KICS2: variants seen among roughly 807,000 people sequenced by gnomAD.
The protein encoded by KICS2 is KICSTOR subunit 2.
Under a neutral mutation model 31.4 loss-of-function variants are expected in KICS2, and 13 were observed. The observed-to-expected ratio is 0.41, with a 90% CI of 0.27 to 0.66. The LOEUF (loss-of-function observed/expected upper bound fraction) is 0.66. Among genes scored for constraint, KICS2 ranks in the 30% least tolerant of loss-of-function variants. The pLI is 0.28. For missense variants in KICS2, 455 were observed against 545.4 expected (o/e 0.83, Z 1.65); for synonymous variants, 209 against 214.8 (o/e 0.97, Z 0.24).
chr12:64,211,875 T>G (rs955689493), intron 2 of KICS2, among the ~76,000 whole-genome samples: 1 of 152,234 alleles, frequency 6.6e-6, no homozygotes, highest in Non-Finnish European at 1.5e-5. Context: ...ATGGACTATG[T>G]ATTATACAAC....
chr12:64,207,285 T>C (rs777210285), intron 2 of KICS2, among the ~76,000 whole-genome samples: 4 of 107,442 alleles, frequency 3.7e-5, no homozygotes, highest in Non-Finnish European at 6.8e-5. Flanking sequence ...GCCAAGGTGA[T>C]AGAGCCAACT....
In KICS2 at chr12:64,193,000, G is replaced by A. The variant is rs549250455; in HGVS notation, c.*842C>T. 6 of 985,430 alleles carry A rather than the reference G, an allele frequency of 6.1e-6. No homozygotes were observed. In the African/African-American group the frequency reaches 1.0e-4, roughly 17 times the overall value. 61.0% of individuals were successfully genotyped at this position (985,430 alleles called of 1,614,324 possible). A position where few individuals can be genotyped will look rare whatever the true frequency, so the allele number is the denominator to read the frequency against. On this transcript the variant is annotated 3_prime_UTR_variant, in exon 3 of 3. Coordinates refer to ENST00000398055, the MANE Select transcript of KICS2 (RefSeq NM_152440.5). ...TGAAAAACCGACTGCATGCTTTTAA[G>A]CCTAAAAATAACCAAGGAGTAGAGC...
At chr12:64,188,780 T>C (rs2037358757), downstream of KICS2, among the ~76,000 whole-genome samples, 1 of 152,174 alleles carries the variant, frequency 6.6e-6, no homozygotes, top group Non-Finnish European at 1.5e-5. Flanking sequence ...GAAATCCTTA[T>C]AAATTCATAT....
In KICS2 at chr12:64,217,624, C is replaced by A. The variant is rs529082679; in HGVS notation, c.236-1661G>T. The stretch of plus-strand genomic sequence containing the variant: ...CACCAGCCTGGCCAACATGGTGAAA[C>A]CCCGTCTGTACTAAAAATACAAAAC... On this transcript the variant is annotated intron_variant, in intron 1 of 2. Coordinates refer to ENST00000398055, the MANE Select transcript of KICS2 (RefSeq NM_152440.5). Among the ~76,000 whole-genome samples the A allele has an allele frequency of 4.6e-5, 7 of 152,102 alleles. No homozygotes were observed. In the South Asian group the frequency reaches 1.5e-3, roughly 32 times the overall value.
At chr12:64,202,072 A>G (rs563673341) in intron 2 of KICS2, among the ~76,000 whole-genome samples, 1 of 152,348 alleles carries the variant, frequency 6.6e-6, no homozygotes, top group Non-Finnish European at 1.5e-5. Flanking sequence ...ACAAGACAGT[A>G]GTGCAATTTT....
At position 64,193,279 on chromosome 12, in the gene KICS2, A is replaced by G. The variant is rs1201586692; in HGVS notation, c.*563T>C. 1.0e-6 allele frequency: 1 copy of G among 985,892 alleles called. No individual in the cohort carries two copies. Among genetic ancestry groups the G allele is most frequent in the Non-Finnish European group, 1.2e-6 (1 of 830,412 alleles). The allele number at this position is 985,892 out of a possible 1,614,324, so 61.1% of individuals were successfully genotyped here. On this transcript the variant is annotated 3_prime_UTR_variant, in exon 3 of 3. Coordinates refer to ENST00000398055, the MANE Select transcript of KICS2 (RefSeq NM_152440.5). ...CATGCTACCAATCTGACTCACTTTC[A>G]GTTTCAATAACTGATAGAAATTTCT...
At chr12:64,216,418 A>G (rs913919940) in intron 1 of KICS2, among the ~76,000 whole-genome samples, 3 of 152,178 alleles carry the variant, frequency 2.0e-5, no homozygotes, top group Non-Finnish European at 4.4e-5. Context: ...ATTATGAAAC[A>G]CTATTTTTAT....
intron 2 of KICS2, among the ~76,000 whole-genome samples, chr12:64,212,117 T>C (rs1037443552): frequency 6.7e-6 from 1 of 150,356 alleles, no homozygotes; most frequent in African/African-American, 2.4e-5. Flanking sequence ...GAAGGACAGT[T>C]ATATGTTCAT....
At chr12:64,217,034 G>GT (rs1316660461) in intron 1 of KICS2, among the ~76,000 whole-genome samples, 1 of 152,176 alleles carries the variant, frequency 6.6e-6, no homozygotes, top group Non-Finnish European at 1.5e-5. Context: ...GAATAAAAAT[G>GT]TATCAAGGCA....
intron 2 of KICS2, among the ~76,000 whole-genome samples, chr12:64,201,910 C>A (rs193236025): frequency 1.1e-3 from 173 of 152,264 alleles, no homozygotes; most frequent in African/African-American, 3.8e-3. Flanking sequence ...AATCACTTTC[C>A]ATTTATCTTA....
chr12:64,201,824 G>A (rs2037493230), intron 2 of KICS2, among the ~76,000 whole-genome samples: 1 of 148,374 alleles, frequency 6.7e-6, no homozygotes, highest in Non-Finnish European at 1.5e-5. Flanking sequence ...CTCCAGCCTG[G>A]GTGACAGAAC....
intron 1 of KICS2, 151 bp downstream of exon 1, chr12:64,221,852 A>C: frequency 5.8e-6 from 5 of 865,950 alleles, no homozygotes; most frequent in Non-Finnish European, 7.0e-6. Context: ...AGCCCAGGGA[A>C]GGAAAGGAAC....
chr12:64,195,676 T>C (rs925312768), intron 2 of KICS2, among the ~76,000 whole-genome samples: 50 of 152,332 alleles, frequency 3.3e-4, no homozygotes, highest in Middle Eastern at 3.4e-3. Context: ...TTTCTGCATT[T>C]CCATCTGAGG....
intron 2 of KICS2, among the ~76,000 whole-genome samples, chr12:64,207,898 G>A (rs115261970): frequency 0.012 from 1,759 of 152,348 alleles, 38 homozygotes; most frequent in African/African-American, 0.04. Flanking sequence ...AGCCTAAGCA[G>A]AGAGGTAGGA....
chr12:64,205,665 G>A (rs376185614), intron 2 of KICS2, among the ~76,000 whole-genome samples: 16 of 38,896 alleles, frequency 4.1e-4, no homozygotes, highest in Non-Finnish European at 7.6e-4. Context: ...GAGGGAGGGA[G>A]GGAAAAGGGA....
chr12:64,208,450 T>C (rs949328530), intron 2 of KICS2, among the ~76,000 whole-genome samples: 20 of 152,374 alleles, frequency 1.3e-4, no homozygotes, highest in African/African-American at 4.6e-4. Context: ...AATCTAAGCA[T>C]GTCAAATGAC....
Position 64,193,846 on chromosome 12 carries a change from C to A in KICS2, c.1334G>T (p.Gly445Val). ...CCCCTCCACGCAAATCACCTGCTAA[C>A]CTTTGGCTCCAGGTTTCAGACTTGC... Reference protein sequence around the residue: ...VFASLKPGAKG With the variant: ...VFASLKPGAKV The change falls in exon 3 of 3, where the codon GGT (glycine) becomes GTT (valine). Residue 445 changes from glycine (G) to valine (V), a missense_variant. Coordinates refer to ENST00000398055, the MANE Select transcript of KICS2 (RefSeq NM_152440.5). 6.2e-7 allele frequency: 1 copy of A among 1,611,672 alleles called. No homozygotes were observed. The highest frequency in any genetic ancestry group is 8.5e-7 in the Non-Finnish European group (1 of 1,178,744).
chr12:64,198,854 G>A (rs1312250885), intron 2 of KICS2, among the ~76,000 whole-genome samples: 5 of 151,208 alleles, frequency 3.3e-5, no homozygotes, highest in Admixed American at 1.3e-4. Flanking sequence ...AAATCTAGAC[G>A]AAATGGATAA....
chr12:64,187,280 G>A (rs575195094), downstream of KICS2: 1 of 265,636 alleles, frequency 3.8e-6, no homozygotes, highest in African/African-American at 2.2e-5. Flanking sequence ...GCAGTCCCAT[G>A]TCATTGCCTC....
Sources: gnomAD v4.1 joint callset for allele counts (sites outside exome capture counted in the v4.1 genomes callset) on GRCh38, gnomAD v4.1.1 for gene constraint, MANE v1.5 for transcripts, NCBI Gene and HGNC (gene_info 2026-07-23, HGNC 2026-07-21) for gene names.